The following NKAIN3 variants were observed in gnomAD, a reference collection of about 807,000 sequenced individuals.
NKAIN3 encodes sodium/potassium transporting ATPase interacting 3, also known as sodium/potassium-transporting ATPase subunit beta-1-interacting protein 3.
Under a neutral mutation model 30.2 loss-of-function variants are expected in NKAIN3, and 25 were observed. The ratio of observed to expected loss-of-function variants is 0.83; its 90% CI spans 0.60 to 1.16. NKAIN3 has a LOEUF of 1.16. Ranked by LOEUF, NKAIN3 falls within the 50% of genes most tolerant of loss-of-function variation. NKAIN3 has a pLI of 0.00. For synonymous variants in NKAIN3, 91 were observed against 89.6 expected, an observed-to-expected ratio of 1.02 and a Z score of -0.09; for missense variants, 225 against 254.1, an observed-to-expected ratio of 0.89 and a Z score of 0.78.
chr8:62,280,818 A>T (rs1813152260), intron 1 of NKAIN3, among the ~76,000 whole-genome samples: 1 of 152,026 alleles, frequency 6.6e-6, no homozygotes, highest in South Asian at 2.1e-4. Context: ...TTCATCAGGG[A>T]TATTGGTCTA....
chr8:62,663,247 G>A (rs77354311), intron 3 of NKAIN3, among the ~76,000 whole-genome samples: 5,717 of 152,242 alleles, frequency 0.038, 368 homozygotes, highest in African/African-American at 0.13. Context: ...TGGTTCTTGA[G>A]AAGGAGAGTG....
At chr8:62,679,464 TG>T (rs2130412626) in intron 3 of NKAIN3, among the ~76,000 whole-genome samples, 1 of 152,294 alleles carries the variant, frequency 6.6e-6, no homozygotes, top group East Asian at 1.9e-4. Flanking sequence ...CATGTTGCCT[TG>T]AATGGTGTAT....
At chr8:62,363,204 C>T (rs4379439) in intron 1 of NKAIN3, among the ~76,000 whole-genome samples, 120,324 of 152,150 alleles carry the variant, frequency 0.79, 48,174 homozygotes, top group South Asian at 0.88. Flanking sequence ...TCCTCTGACA[C>T]ATACTTGGTA....
chr8:62,414,074 G>C (rs1804352847), intron 1 of NKAIN3, among the ~76,000 whole-genome samples: 1 of 152,032 alleles, frequency 6.6e-6, no homozygotes, highest in Non-Finnish European at 1.5e-5. Context: ...ACTTCTGTGT[G>C]CATACGTATG....
At chr8:62,553,944 A>G (rs1035190684) in intron 1 of NKAIN3, among the ~76,000 whole-genome samples, 3 of 152,328 alleles carry the variant, frequency 2.0e-5, no homozygotes, top group East Asian at 1.9e-4. Flanking sequence ...ACTTGTTCCA[A>G]TATTTAGCAT....
At chr8:62,960,183 G>A (rs535015104) in intron 6 of NKAIN3, among the ~76,000 whole-genome samples, 10 of 152,114 alleles carry the variant, frequency 6.6e-5, no homozygotes, top group Non-Finnish European at 1.0e-4. Context: ...TTATTAGGAC[G>A]GAATGATGCC....
chr8:62,565,503 G>A (rs1365597802), intron 1 of NKAIN3, among the ~76,000 whole-genome samples: 1 of 152,078 alleles, frequency 6.6e-6, no homozygotes, highest in African/African-American at 2.4e-5. Context: ...CCGAGGCACA[G>A]AGTTTAAGGA....
At chr8:62,337,782 T>C (rs1815613971) in intron 1 of NKAIN3, among the ~76,000 whole-genome samples, 2 of 152,024 alleles carry the variant, frequency 1.3e-5, no homozygotes, top group Non-Finnish European at 2.9e-5. Flanking sequence ...TTCTTTCTAT[T>C]ATATTTAATT....
chr8:62,622,868 C>T (rs58640348), intron 3 of NKAIN3, among the ~76,000 whole-genome samples: 49 of 151,962 alleles, frequency 3.2e-4, no homozygotes, highest in African/African-American at 1.2e-3. Context: ...AGATTTTCTC[C>T]TACTTTTTTC....
intron 6 of NKAIN3, among the ~76,000 whole-genome samples, chr8:62,956,255 T>C (rs1823416069): frequency 6.6e-6 from 1 of 152,120 alleles, no homozygotes. Context: ...CTGTGCGAAA[T>C]TGTTAGAGAG....
intron 4 of NKAIN3, among the ~76,000 whole-genome samples, chr8:62,769,519 T>A (rs1227349618): frequency 7.2e-5 from 11 of 152,196 alleles, no homozygotes; most frequent in East Asian, 1.9e-4. Flanking sequence ...TGCAAAAAAA[T>A]TCACCAATGA....
At chr8:62,270,868 A>G (rs552033228) in intron 1 of NKAIN3, among the ~76,000 whole-genome samples, 1 of 152,176 alleles carries the variant, frequency 6.6e-6, no homozygotes, top group South Asian at 2.1e-4. Context: ...CCAGTGAAAA[A>G]CAAGAGCAGT....
chr8:62,421,713 C>G (rs1378998357), intron 1 of NKAIN3, among the ~76,000 whole-genome samples: 1 of 151,882 alleles, frequency 6.6e-6, no homozygotes, highest in Non-Finnish European at 1.5e-5. Flanking sequence ...TAGCTCCTCC[C>G]CATTTAGAAG....
intron 1 of NKAIN3, among the ~76,000 whole-genome samples, chr8:62,398,374 A>G (rs1817833584): frequency 6.6e-6 from 1 of 152,220 alleles, no homozygotes; most frequent in Admixed American, 6.5e-5. Context: ...CACATTTAAG[A>G]ATAAACTTTT....
intron 4 of NKAIN3, among the ~76,000 whole-genome samples, chr8:62,845,190 T>G (rs1480143229): frequency 6.6e-6 from 1 of 150,748 alleles, no homozygotes; most frequent in Non-Finnish European, 1.5e-5. Context: ...CTTTCAATGC[T>G]TTCCTATTTC....
chr8:62,850,281 C>T (rs1317756163), intron 4 of NKAIN3, among the ~76,000 whole-genome samples: 3 of 152,074 alleles, frequency 2.0e-5, no homozygotes, highest in African/African-American at 7.2e-5. Context: ...TCAGGTCCTT[C>T]ACCCACTTTT....
chr8:62,520,896 T>A (rs1190454777), intron 1 of NKAIN3, among the ~76,000 whole-genome samples: 2 of 151,674 alleles, frequency 1.3e-5, no homozygotes, highest in Non-Finnish European at 2.9e-5. Flanking sequence ...TTATTTTAAA[T>A]ACTTCTAAAT....
chr8:62,285,351 C>T (rs1025333909), intron 1 of NKAIN3, among the ~76,000 whole-genome samples: 6 of 152,098 alleles, frequency 3.9e-5, no homozygotes, highest in Admixed American at 6.6e-5. Flanking sequence ...ACAGAAATAG[C>T]GTCTGCTTTA....
intron 1 of NKAIN3, among the ~76,000 whole-genome samples, chr8:62,468,041 A>G (rs1263390303): frequency 6.6e-6 from 1 of 152,072 alleles, no homozygotes; most frequent in Non-Finnish European, 1.5e-5. Flanking sequence ...TTTATTTTTA[A>G]TTGAGTTTAA....
Sources: allele counts gnomAD v4.1 joint callset (sites outside exome capture counted in the v4.1 genomes callset), GRCh38; gene constraint gnomAD v4.1.1; transcripts MANE v1.5; gene names NCBI Gene and HGNC (gene_info 2026-07-23, HGNC 2026-07-21).